The following PDE4B variants were observed in gnomAD, a reference collection of about 807,000 sequenced individuals.
PDE4B encodes phosphodiesterase 4B.
Under a neutral mutation model 82.2 loss-of-function variants are expected in PDE4B, and 20 were observed. The observed-to-expected ratio is 0.24, with a 90% CI of 0.17 to 0.35. The LOEUF is 0.35. Ranked by LOEUF, PDE4B falls within the 10% of genes least tolerant of loss-of-function variation. PDE4B has a pLI of 1.00. For missense variants in PDE4B, 655 were observed against 907.2 expected (o/e 0.72, Z 3.57); for synonymous variants, 320 against 318.9 (o/e 1.00, Z -0.04).
At chr1:66,198,463 CA>C (rs1180827793) in intron 3 of PDE4B, among the ~76,000 whole-genome samples, 1 of 151,960 alleles carries the variant, frequency 6.6e-6, no homozygotes, top group African/African-American at 2.4e-5. Context: ...GCTAGATAAG[CA>C]AAAAGTGGCA....
At chr1:66,315,041 G>T (rs1658934057) in intron 7 of PDE4B, among the ~76,000 whole-genome samples, 1 of 152,078 alleles carries the variant, frequency 6.6e-6, no homozygotes, top group South Asian at 2.1e-4. Flanking sequence ...GTACTTACTG[G>T]GACCTACTGT....
intron 3 of PDE4B, among the ~76,000 whole-genome samples, chr1:66,010,986 A>G (rs897776041): frequency 6.6e-6 from 1 of 151,722 alleles, no homozygotes; most frequent in South Asian, 2.1e-4. Flanking sequence ...GACTGATCAC[A>G]GAAGTAACCT....
intron 6 of PDE4B, 80 bp downstream of exon 6, chr1:66,257,943 C>A: frequency 1.1e-6 from 1 of 932,902 alleles, no homozygotes; most frequent in Non-Finnish European, 1.7e-6. Context: ...AAAAATACAA[C>A]TATTACATGG....
intron 1 of PDE4B, among the ~76,000 whole-genome samples, chr1:65,818,637 AATACATACATATATATAT>A (rs1181940745): frequency 1.4e-5 from 2 of 147,668 alleles, no homozygotes; most frequent in Non-Finnish European, 3.0e-5. Flanking sequence ...ATGAATGTTT[AATACATACATATATATAT>A]ATGCATACAT....
intron 3 of PDE4B, among the ~76,000 whole-genome samples, chr1:65,941,394 A>G (rs568517962): frequency 6.6e-6 from 1 of 152,172 alleles, no homozygotes; most frequent in East Asian, 1.9e-4. Context: ...AGAAGTGACC[A>G]AACAGGCAGC....
chr1:65,884,729 G>T (rs898476242), intron 1 of PDE4B, among the ~76,000 whole-genome samples: 53 of 152,108 alleles, frequency 3.5e-4, no homozygotes, highest in Non-Finnish European at 5.4e-4. Context: ...TTAAAGACTT[G>T]AATGTTAGAC....
intron 1 of PDE4B, among the ~76,000 whole-genome samples, chr1:65,796,955 A>ATTTTT (rs71058430): frequency 7.6e-6 from 1 of 131,194 alleles, no homozygotes. Context: ...AGCCTGAAAC[A>ATTTTT]TTTTTTTTTT....
At chr1:66,350,873 G>A (rs1031516714) in intron 8 of PDE4B, among the ~76,000 whole-genome samples, 10 of 152,130 alleles carry the variant, frequency 6.6e-5, no homozygotes, top group African/African-American at 1.7e-4. Context: ...AAGAAAAATT[G>A]AAGCCATCAA....
At position 66,257,783 on chromosome 1, in the gene PDE4B, T is replaced by C. The variant is rs748896692; in HGVS notation, c.514-10T>C. ...TTTGTCCTTAACCGTTTAAAACATT[T>C]TTCTTCTAGGTCCTTGCCAGCTTGC... is the stretch of plus-strand genomic sequence containing the variant. On this transcript the variant is annotated splice_polypyrimidine_tract_variant and intron_variant, in intron 5 of 16. Coordinates refer to ENST00000341517, the MANE Select transcript of PDE4B (RefSeq NM_002600.4). The C allele has an allele frequency of 6.2e-7, 1 of 1,612,992 alleles. No individual in the cohort carries two copies. Among genetic ancestry groups the C allele is most frequent in the Non-Finnish European group, 8.5e-7 (1 of 1,179,050 alleles).
chr1:65,854,558 C>A (rs1374187787), intron 1 of PDE4B, among the ~76,000 whole-genome samples: 1 of 151,826 alleles, frequency 6.6e-6, no homozygotes, highest in African/African-American at 2.4e-5. Context: ...AAAGTCATGG[C>A]TCCAATGACT....
chr1:65,869,357 G>T (rs1044789739), intron 1 of PDE4B, among the ~76,000 whole-genome samples: 1 of 152,108 alleles, frequency 6.6e-6, no homozygotes, highest in Admixed American at 6.5e-5. Flanking sequence ...AAGAATTTTT[G>T]TCACCTGAAA....
chr1:65,909,633 A>G (rs1647065010), intron 1 of PDE4B, among the ~76,000 whole-genome samples: 1 of 152,212 alleles, frequency 6.6e-6, no homozygotes, highest in African/African-American at 2.4e-5. Flanking sequence ...TATTAAACAT[A>G]TATCAGAAAT....
intron 3 of PDE4B, among the ~76,000 whole-genome samples, chr1:66,030,599 GC>G (rs759991268): frequency 6.6e-6 from 1 of 152,040 alleles, no homozygotes; most frequent in Non-Finnish European, 1.5e-5. Context: ...ATTTGACTCA[GC>G]AATCCACTAC....
At chr1:66,016,674 A>T (rs1652798360) in intron 3 of PDE4B, among the ~76,000 whole-genome samples, 2 of 152,240 alleles carry the variant, frequency 1.3e-5, no homozygotes. Context: ...GCAATATATG[A>T]GAGATAAGAA....
intron 3 of PDE4B, among the ~76,000 whole-genome samples, chr1:66,054,977 A>C (rs957042427): frequency 6.6e-6 from 1 of 152,196 alleles, no homozygotes; most frequent in Non-Finnish European, 1.5e-5. Flanking sequence ...TAGTGTTGTC[A>C]TGGACACCTT....
intron 8 of PDE4B, among the ~76,000 whole-genome samples, chr1:66,338,986 T>G (rs933295568): frequency 7.3e-6 from 1 of 136,544 alleles, no homozygotes; most frequent in African/African-American, 2.9e-5. Context: ...GCCACTGCAC[T>G]CCAGCCTGGG....
chr1:66,366,248 A>G (rs1663239147), intron 13 of PDE4B, among the ~76,000 whole-genome samples: 1 of 152,130 alleles, frequency 6.6e-6, no homozygotes, highest in African/African-American at 2.4e-5. Flanking sequence ...CACAGTTCAG[A>G]AGGAAGGGTC....
chr1:65,951,489 G>A (rs538482008), intron 3 of PDE4B, among the ~76,000 whole-genome samples: 137 of 152,080 alleles, frequency 9.0e-4, no homozygotes, highest in African/African-American at 3.1e-3. Context: ...GTCACCTCTC[G>A]TCAGGACTTC....
At chr1:66,357,893 AGACATAC>A (rs1203248733) in intron 9 of PDE4B, among the ~76,000 whole-genome samples, 1 of 152,186 alleles carries the variant, frequency 6.6e-6, no homozygotes, top group Non-Finnish European at 1.5e-5. Flanking sequence ...AGTTTTGCTA[AGACATAC>A]CTGGCCATCT....
Sources: gnomAD v4.1 joint callset for allele counts (sites outside exome capture counted in the v4.1 genomes callset) on GRCh38, gnomAD v4.1.1 for gene constraint, MANE v1.5 for transcripts, NCBI Gene and HGNC (gene_info 2026-07-23, HGNC 2026-07-21) for gene names.